Variants in SPATA17 observed in about 807,000 individuals in gnomAD.
The protein encoded by SPATA17 is spermatogenesis-associated protein 17.
A neutral mutation model predicts 62.2 loss-of-function variants in SPATA17; 53 were observed. The observed-to-expected ratio is 0.85, with a 90% CI of 0.68 to 1.07. SPATA17 has a LOEUF of 1.07. SPATA17 is among the 50% of genes least tolerant of loss of function. SPATA17 has a pLI of 0.00. For synonymous variants in SPATA17, 146 were observed against 146.8 expected (o/e 0.99, Z 0.04); for missense variants, 466 against 425.5 (o/e 1.10, Z -0.84).
chr1:217,841,756 C>G (rs1227607029), intron 9 of SPATA17, among the ~76,000 whole-genome samples: 6 of 151,662 alleles, frequency 4.0e-5, no homozygotes, highest in African/African-American at 1.5e-4. Flanking sequence ...ATGTCATGCA[C>G]TCACCACCTA....
chr1:217,826,945 A>G (rs971146679), intron 9 of SPATA17, among the ~76,000 whole-genome samples: 4 of 152,118 alleles, frequency 2.6e-5, no homozygotes, highest in Admixed American at 6.6e-5. Flanking sequence ...TATACTCAAC[A>G]TGGTAAACAG....
intron 4 of SPATA17, among the ~76,000 whole-genome samples, chr1:217,671,450 A>C (rs1483278499): frequency 6.6e-6 from 1 of 152,108 alleles, no homozygotes; most frequent in East Asian, 1.9e-4. Flanking sequence ...CTTGCTTATA[A>C]ATTTCGTGGT....
intron 3 of SPATA17, among the ~76,000 whole-genome samples, chr1:217,662,470 A>G (rs1232902974): frequency 6.6e-6 from 1 of 152,178 alleles, no homozygotes; most frequent in African/African-American, 2.4e-5. Flanking sequence ...GATTAAAAAG[A>G]GAAATTATTC....
At position 217,869,834 on chromosome 1, in the gene SPATA17, G is replaced by A. The variant is rs1676094522; in HGVS notation, c.*2815G>A. 6.6e-6 allele frequency: 1 copy of A among 151,958 alleles called. No homozygotes were observed. Among genetic ancestry groups the A allele is most frequent in the Non-Finnish European group, 1.5e-5 (1 of 68,028 alleles). The allele number at this position is 151,958 out of a possible 1,614,324, so 9.4% of individuals were successfully genotyped here. A position where few individuals can be genotyped will look rare whatever the true frequency, so the allele number is the denominator to read the frequency against. ...GGAATACCCTTGGCCAAGAAGAGGG[G>A]TCCATGCAGATGTTTGGAGGGGGGG... On this transcript the variant is annotated 3_prime_UTR_variant, in exon 11 of 11. Transcript: ENST00000366933.
intron 6 of SPATA17, among the ~76,000 whole-genome samples, chr1:217,747,662 T>G (rs968652067): frequency 2.0e-5 from 3 of 152,148 alleles, no homozygotes; most frequent in Admixed American, 2.0e-4. Context: ...TATGCATATT[T>G]TATTTGGTGT....
At chr1:217,659,565 T>C (rs1376990798) in intron 3 of SPATA17, among the ~76,000 whole-genome samples, 2 of 152,156 alleles carry the variant, frequency 1.3e-5, no homozygotes, top group African/African-American at 2.4e-5. Flanking sequence ...ATCTGTTTTA[T>C]AGATGAAGAA....
At chr1:217,781,036 G>A (rs4846440) in intron 7 of SPATA17, among the ~76,000 whole-genome samples, 47,033 of 151,878 alleles carry the variant, frequency 0.31, 7,620 homozygotes, top group East Asian at 0.52. Flanking sequence ...AATTCCAATA[G>A]AAATCCATTA....
rs538102448 is a variant in SPATA17 at position 217,867,416 on chromosome 1, G to C, written c.*397G>C. The C allele has an allele frequency of 3.9e-5, 6 of 152,316 alleles. No individual in the cohort carries two copies. The South Asian group carries it at 1.2e-3, about 32-fold the overall frequency. 9.4% of individuals were successfully genotyped at this position (152,316 alleles called of 1,614,324 possible). On this transcript the variant is annotated 3_prime_UTR_variant, in exon 11 of 11. Coordinates refer to ENST00000366933, the MANE Select transcript of SPATA17 (RefSeq NM_138796.4). ...TGATGAATGGTTTGAAGTGTAAATT[G>C]TGTGAAATAGTTCAGCATGAAAGCT...
intron 5 of SPATA17, among the ~76,000 whole-genome samples, chr1:217,696,073 C>G (rs1403644521): frequency 4.6e-5 from 7 of 152,172 alleles, no homozygotes. Context: ...TGGGCAATGG[C>G]GGGCGCCCCT....
intron 9 of SPATA17, among the ~76,000 whole-genome samples, chr1:217,823,702 A>AT (rs1175046918): frequency 6.6e-6 from 1 of 151,982 alleles, no homozygotes; most frequent in Non-Finnish European, 1.5e-5. Context: ...ATTGCTGAAA[A>AT]TGGGGTGCTG....
intron 5 of SPATA17, among the ~76,000 whole-genome samples, chr1:217,706,719 A>G (rs1177754101): frequency 6.6e-6 from 1 of 152,140 alleles, no homozygotes; most frequent in African/African-American, 2.4e-5. Flanking sequence ...CTAATACACT[A>G]TCCGTGAGCA....
At chr1:217,758,175 T>C (rs1558038355) in intron 6 of SPATA17, among the ~76,000 whole-genome samples, 2 of 152,202 alleles carry the variant, frequency 1.3e-5, no homozygotes, top group Non-Finnish European at 2.9e-5. Flanking sequence ...TTACATAAAT[T>C]ATTTATTTTA....
At chr1:217,679,128 A>G (rs901607376) in intron 4 of SPATA17, among the ~76,000 whole-genome samples, 23 of 152,170 alleles carry the variant, frequency 1.5e-4, no homozygotes, top group African/African-American at 5.3e-4. Flanking sequence ...TACAATATCA[A>G]TTAGCTATTG....
Position 217,867,645 on chromosome 1 carries a change from T to G in SPATA17, c.*626T>G, listed in dbSNP as rs533039721. On this transcript the variant is annotated 3_prime_UTR_variant, in exon 11 of 11. Transcript: ENST00000366933. ...TGCCAGGGCTGTGTCAGATCCTGCA[T>G]GGCTCTGAACTACAGTTGGTTTCCA... is the stretch of plus-strand genomic sequence containing the variant. The G allele has an allele frequency of 1.0e-3, 153 of 152,342 alleles. No homozygotes were observed. Among genetic ancestry groups the G allele is most frequent in the African/African-American group, 3.6e-3 (149 of 41,586 alleles). 9.4% of individuals were successfully genotyped at this position (152,342 alleles called of 1,614,324 possible).
intron 6 of SPATA17, among the ~76,000 whole-genome samples, chr1:217,761,699 G>A (rs1164807473): frequency 6.6e-6 from 1 of 152,106 alleles, no homozygotes; most frequent in Admixed American, 6.5e-5. Flanking sequence ...GCCTAAGCAA[G>A]AAAACAAGCA....
At chr1:217,777,191 C>G (rs916230609) in intron 7 of SPATA17, among the ~76,000 whole-genome samples, 7 of 152,106 alleles carry the variant, frequency 4.6e-5, no homozygotes, top group Non-Finnish European at 8.8e-5. Context: ...TGTTTCCATT[C>G]TCTATAATTA....
chr1:217,637,384 C>G (rs545682085), intron 1 of SPATA17, among the ~76,000 whole-genome samples: 3 of 151,888 alleles, frequency 2.0e-5, no homozygotes, highest in Non-Finnish European at 2.9e-5. Flanking sequence ...AAGTTTCTGC[C>G]GGGAATTAAG....
At chr1:217,687,955 T>C (rs1671256251) in intron 5 of SPATA17, among the ~76,000 whole-genome samples, 1 of 152,240 alleles carries the variant, frequency 6.6e-6, no homozygotes, top group African/African-American at 2.4e-5. Flanking sequence ...TGTTTCCTTT[T>C]ATATATAAAC....
chr1:217,697,480 C>A (rs966855757), intron 5 of SPATA17, among the ~76,000 whole-genome samples: 1 of 152,084 alleles, frequency 6.6e-6, no homozygotes, highest in African/African-American at 2.4e-5. Flanking sequence ...AATAATATTT[C>A]CAAATTTATT....
Sources: gnomAD v4.1 joint callset for allele counts (sites outside exome capture counted in the v4.1 genomes callset) on GRCh38, gnomAD v4.1.1 for gene constraint, MANE v1.5 for transcripts, NCBI Gene and HGNC (gene_info 2026-07-23, HGNC 2026-07-21) for gene names.